Variants in MTMR2 observed in about 807,000 individuals in gnomAD.
The protein encoded by MTMR2 is phosphatidylinositol-3,5-bisphosphate 3-phosphatase MTMR2.
Under a neutral mutation model 86.9 loss-of-function variants are expected in MTMR2, and 55 were observed. The ratio of observed to expected loss-of-function variants is 0.63; its 90% confidence interval spans 0.51 to 0.79. The LOEUF (loss-of-function observed/expected upper bound fraction) is 0.79, where lower values mean the gene tolerates loss of function less well. Ranked by LOEUF, MTMR2 falls within the 30% of genes least tolerant of loss-of-function variation. The pLI is 0.00. For missense variants in MTMR2, 659 were observed against 772.3 expected, an observed-to-expected ratio of 0.85 and a Z score of 1.74; for synonymous variants, 241 against 266.8, an observed-to-expected ratio of 0.90 and a Z score of 0.94.
chr11:95,869,615 T>C (rs759238810), intron 2 of MTMR2, among the ~76,000 whole-genome samples: 2 of 152,184 alleles, frequency 1.3e-5, no homozygotes, highest in Non-Finnish European at 2.9e-5. Flanking sequence ...CAGCAAATCT[T>C]TTCCCTTTCT....
intron 1 of MTMR2, among the ~76,000 whole-genome samples, chr11:95,910,529 T>C (rs1866460024): frequency 6.6e-6 from 1 of 152,020 alleles, no homozygotes; most frequent in Admixed American, 6.6e-5. Flanking sequence ...TATATCCTAG[T>C]AAACAAATGC....
chr11:95,838,250 C>T, intron 12 of MTMR2, 43 bp from the exon 13 acceptor site: 1 of 1,049,204 alleles, frequency 9.5e-7, no homozygotes, highest in Non-Finnish European at 1.5e-6. Flanking sequence ...AGACATTCTT[C>T]AAGCATATTC....
chr11:95,906,226 A>AAAAG (rs1866271253), intron 1 of MTMR2, among the ~76,000 whole-genome samples: 1 of 152,212 alleles, frequency 6.6e-6, no homozygotes, highest in South Asian at 2.1e-4. Context: ...CTCTGTCTCA[A>AAAAG]AAACAAACAA....
intron 2 of MTMR2, among the ~76,000 whole-genome samples, chr11:95,873,038 T>C (rs1001377936): frequency 6.6e-6 from 1 of 152,226 alleles, no homozygotes; most frequent in African/African-American, 2.4e-5. Flanking sequence ...TTGAGGATTT[T>C]TGCATCAATG....
chr11:95,843,844 G>T (rs1217997056), intron 11 of MTMR2, among the ~76,000 whole-genome samples: 1 of 151,484 alleles, frequency 6.6e-6, no homozygotes, highest in Admixed American at 6.6e-5. Flanking sequence ...TTTCAATATG[G>T]CAAATATTGA....
chr11:95,849,669 C>G lies in MTMR2; in HGVS notation c.993+5G>C, dbSNP rs1461307325. On this transcript the variant is annotated splice_donor_5th_base_variant and intron_variant, in intron 9 of 14. Coordinates refer to ENST00000346299, the MANE Select transcript of MTMR2 (RefSeq NM_016156.6). ...ATAATTATAATTACTAAGAGACCAT[C>G]TGACCTTGTTGGCAACAGCATTAAC... 6.3e-7 allele frequency: 1 copy of G among 1,590,908 alleles called. No homozygotes were observed. The highest frequency in any genetic ancestry group is 1.7e-5 in the Admixed American group (1 of 59,828).
chr11:95,870,585 T>G (rs181454835), intron 2 of MTMR2, among the ~76,000 whole-genome samples: 1 of 152,124 alleles, frequency 6.6e-6, no homozygotes, highest in East Asian at 1.9e-4. Flanking sequence ...GATTTTTACT[T>G]GAGAGGAATT....
chr11:95,881,870 T>C (rs1394933801), intron 2 of MTMR2, among the ~76,000 whole-genome samples: 1 of 152,210 alleles, frequency 6.6e-6, no homozygotes, highest in Non-Finnish European at 1.5e-5. Context: ...AAAGTAGCGA[T>C]AGTAATCATC....
intron 11 of MTMR2, among the ~76,000 whole-genome samples, chr11:95,841,958 G>A (rs1176910316): frequency 2.6e-5 from 4 of 152,120 alleles, no homozygotes. Flanking sequence ...GCCAGGCATG[G>A]TGGCGTGCAC....
chr11:95,914,104 TTGGAAA>T, intron 1 of MTMR2: 1 of 790,614 alleles, frequency 1.3e-6, no homozygotes, highest in Non-Finnish European at 1.5e-6. Context: ...GGACAGGGAC[TTGGAAA>T]TGGAACTGAA....
chr11:95,870,876 T>C (rs556749052), intron 2 of MTMR2, among the ~76,000 whole-genome samples: 2 of 152,082 alleles, frequency 1.3e-5, no homozygotes, highest in East Asian at 1.9e-4. Flanking sequence ...CCTAATGCTA[T>C]CCCTCCCCCC....
In MTMR2 at chr11:95,923,948, TCTC is replaced by T. The variant is rs776866662; in HGVS notation, c.4_6del (p.Glu2del). 8.3e-6 allele frequency: 13 copies of T among 1,559,224 alleles called. No homozygotes were observed. Among genetic ancestry groups the T allele is most frequent in the Middle Eastern group, 1.7e-4 (1 of 5,912 alleles). ...CCAAGACTCTCGCAGCTCGAGCTCT[TCTC>T]CATCGCGCGGCAGGGGCAGCACAGG... On this transcript the variant is annotated inframe_deletion, in exon 1 of 15. Transcript: ENST00000346299.
chr11:95,917,734 T>A (rs1866761666), intron 1 of MTMR2, among the ~76,000 whole-genome samples: 1 of 152,118 alleles, frequency 6.6e-6, no homozygotes, highest in Admixed American at 6.6e-5. Flanking sequence ...TACTACCCAT[T>A]AAGTGGAAGT....
rs1399171692 is a variant in MTMR2, at chr11:95,892,001, C to T, written c.81-3740G>A. 2.6e-5 allele frequency among the ~76,000 whole-genome samples: 4 copies of T among 152,206 alleles called. No individual in the cohort carries two copies. The South Asian group carries it at 6.2e-4, about 24-fold the overall frequency. Reference sequence around the variant, plus strand: ...AGCAGCTACTCAGACTGAAGGTGGCCGTGGGCACAGTAGGATGCATAGTTC... The same window carrying T: ...AGCAGCTACTCAGACTGAAGGTGGCTGTGGGCACAGTAGGATGCATAGTTC... On this transcript the variant is annotated intron_variant, in intron 1 of 14. Coordinates refer to ENST00000346299, the MANE Select transcript of MTMR2 (RefSeq NM_016156.6).
intron 2 of MTMR2, among the ~76,000 whole-genome samples, chr11:95,878,398 A>G (rs1291095953): frequency 6.6e-6 from 1 of 151,922 alleles, no homozygotes; most frequent in African/African-American, 2.4e-5. Flanking sequence ...CAAAACCCGC[A>G]GAATGTACAC....
intron 1 of MTMR2, chr11:95,914,442 T>C (rs1489126638): frequency 6.3e-6 from 5 of 799,810 alleles, no homozygotes; most frequent in Middle Eastern, 6.3e-4. Context: ...ACTTGCTTCA[T>C]ACTTTACATG....
At chr11:95,854,993 A>G (rs1864157755) in intron 7 of MTMR2, among the ~76,000 whole-genome samples, 1 of 150,024 alleles carries the variant, frequency 6.7e-6, no homozygotes, top group Non-Finnish European at 1.5e-5. Flanking sequence ...TATTTTTGGT[A>G]GAGACAGGGT....
At chr11:95,908,570 A>ACATT (rs758113891) in intron 1 of MTMR2, among the ~76,000 whole-genome samples, 2 of 152,196 alleles carry the variant, frequency 1.3e-5, no homozygotes, top group Non-Finnish European at 2.9e-5. Context: ...TGGAGGCATC[A>ACATT]CATTGCCCAA....
chr11:95,878,500 C>A (rs1372204692), intron 2 of MTMR2, among the ~76,000 whole-genome samples: 1 of 152,004 alleles, frequency 6.6e-6, no homozygotes, highest in African/African-American at 2.4e-5. Context: ...AAATGCACCA[C>A]ACAAGGTACA....
Sources: gnomAD v4.1 joint callset for allele counts (sites outside exome capture counted in the v4.1 genomes callset) on GRCh38, gnomAD v4.1.1 for gene constraint, MANE v1.5 for transcripts, NCBI Gene and HGNC (gene_info 2026-07-23, HGNC 2026-07-21) for gene names.